POLR3A: variants seen among roughly 807,000 people sequenced by gnomAD.
POLR3A encodes DNA-directed RNA polymerase III subunit RPC1.
POLR3A carries 112 observed loss-of-function variants against 152.8 expected under a neutral mutation model. The observed-to-expected ratio is 0.73, with a 90% CI of 0.63 to 0.86. The LOEUF is 0.86. POLR3A is among the 40% of genes least tolerant of loss of function. POLR3A has a pLI of 0.00. For synonymous variants in POLR3A, 615 were observed against 652.1 expected (o/e 0.94, Z 0.87); for missense variants, 1,385 against 1,743.1 (o/e 0.79, Z 3.66).
intron 11 of POLR3A, chr10:78,013,013 C>T (rs914694002): frequency 1.3e-5 from 2 of 158,450 alleles, no homozygotes; most frequent in Non-Finnish European, 2.8e-5. Flanking sequence ...TGAGCCACAG[C>T]GCCAGCCTGT....
intron 23 of POLR3A, 50 bp downstream of exon 23, chr10:77,985,853 A>G: frequency 7.6e-7 from 1 of 1,320,638 alleles, no homozygotes; most frequent in Non-Finnish European, 1.1e-6. Context: ...CAGAAGGGAT[A>G]CGTGAGACCT....
chr10:78,010,590 C>T, intron 11 of POLR3A, 50 bp from the exon 12 acceptor site: 2 of 1,276,208 alleles, frequency 1.6e-6, no homozygotes, highest in Non-Finnish European at 2.3e-6. Flanking sequence ...ATGCATGATG[C>T]AGCCCAAAGC....
At chr10:77,996,346 C>A (rs2131939163) in intron 19 of POLR3A, among the ~76,000 whole-genome samples, 1 of 152,234 alleles carries the variant, frequency 6.6e-6, no homozygotes, top group Non-Finnish European at 1.5e-5. Flanking sequence ...ACACAAAAAA[C>A]CCTTCAAAAA....
Position 77,975,674 on chromosome 10 carries a change from TC to T in POLR3A, c.*1803del, listed in dbSNP as rs1847080475. ...CACAAGTTATAGCCACAACCTCTCT[TC>T]CATTTAAAGTGTGCGTCACCCGCAG... On this transcript the variant is annotated 3_prime_UTR_variant, in exon 31 of 31. Coordinates refer to ENST00000372371, the MANE Select transcript of POLR3A (RefSeq NM_007055.4). 1 of 152,242 alleles carries T rather than the reference TC, an allele frequency of 6.6e-6. No homozygotes were observed. The allele number at this position is 152,242 out of a possible 1,614,324, so 9.4% of individuals were successfully genotyped here.
rs12248310 is a variant in POLR3A, at chr10:78,025,700, T to C, written c.240A>G (p.Leu80=). 1 of 1,613,918 alleles carries C rather than the reference T, an allele frequency of 6.2e-7. No individual in the cohort carries two copies. The highest frequency in any genetic ancestry group is 1.3e-5 in the African/African-American group (1 of 74,976). ...CCAGGTCGATATACCCATAGTGGCC[T>C]AGACAGTCAGCCAAGTTTTTCCCAC... ...ETCGKNLADC[L]GHYGYIDLEL... The change falls in exon 3 of 31, where the codon CTA becomes CTG. Residue 80 remains leucine (L), a synonymous_variant. Coordinates refer to ENST00000372371, the MANE Select transcript of POLR3A (RefSeq NM_007055.4).
chr10:77,994,282 C>G (rs1847277191), intron 19 of POLR3A, among the ~76,000 whole-genome samples: 1 of 152,230 alleles, frequency 6.6e-6, no homozygotes, highest in East Asian at 1.9e-4. Context: ...TAGGCGTCTA[C>G]TGACTTGGAA....
chr10:78,014,205 G>A, intron 10 of POLR3A, among the ~76,000 whole-genome samples: 1 of 151,544 alleles, frequency 6.6e-6, no homozygotes, highest in East Asian at 1.9e-4. Context: ...TTATTAGATT[G>A]AACCAAAGCA....
At chr10:78,024,147 TGTG>T (rs905556630) in intron 5 of POLR3A, among the ~76,000 whole-genome samples, 1 of 152,104 alleles carries the variant, frequency 6.6e-6, no homozygotes, top group Non-Finnish European at 1.5e-5. Flanking sequence ...CTGGATCACC[TGTG>T]GTCAGGAGTT....
chr10:78,021,443 T>A, intron 8 of POLR3A, 103 bp downstream of exon 8: 1 of 1,124,698 alleles, frequency 8.9e-7, no homozygotes, highest in Non-Finnish European at 1.3e-6. Context: ...GTGGGTTGAG[T>A]GGGTTACTGG....
At chr10:77,990,905 T>C (rs1847241349) in intron 21 of POLR3A, 149 bp downstream of exon 21, 2 of 654,754 alleles carry the variant, frequency 3.1e-6, no homozygotes, top group Non-Finnish European at 5.6e-6. Context: ...TGAGCCACCA[T>C]GCCTGGCCCA....
At position 78,026,194 on chromosome 10, in the gene POLR3A, T is replaced by C; in HGVS notation, c.80A>G (p.Glu27Gly). The C allele has an allele frequency of 6.2e-7, 1 of 1,614,252 alleles. No homozygotes were observed. The highest frequency in any genetic ancestry group is 8.5e-7 in the Non-Finnish European group (1 of 1,180,026). The change falls in exon 2 of 31, where the codon GAG becomes GGG. Residue 27 changes from glutamate (E) to glycine (G), a missense_variant. Transcript: ENST00000372371. ...TTGGATGTGCGCCTGCTGGCGCATC[T>C]CCTCAGGTGACTTCATTCCAAAACA... ...HICFGMKSPE[E>G]MRQQAHIQVV...
intron 11 of POLR3A, among the ~76,000 whole-genome samples, chr10:78,012,345 C>T (rs1413571916): frequency 7.2e-6 from 1 of 138,462 alleles, no homozygotes; most frequent in Non-Finnish European, 1.6e-5. Flanking sequence ...GCCTGGGCAA[C>T]AAGAGTAAAA....
intron 23 of POLR3A, 116 bp downstream of exon 23, chr10:77,985,787 T>C (rs1847190965): frequency 6.3e-6 from 5 of 797,022 alleles, no homozygotes; most frequent in South Asian, 2.8e-5. Context: ...CAGAATCTGA[T>C]CAAATACTGG....
chr10:77,997,126 A>G (rs555401609), intron 19 of POLR3A, among the ~76,000 whole-genome samples: 1 of 152,298 alleles, frequency 6.6e-6, no homozygotes, highest in Non-Finnish European at 1.5e-5. Context: ...TCATGCTAAA[A>G]ACTCTCAATA....
intron 5 of POLR3A, among the ~76,000 whole-genome samples, chr10:78,022,770 G>A (rs183782372): frequency 6.6e-6 from 1 of 152,036 alleles, no homozygotes; most frequent in African/African-American, 2.4e-5. Context: ...ATAAAATCAC[G>A]GTATATCCCT....
chr10:78,010,449 CA>C, intron 12 of POLR3A, 21 bp downstream of exon 12: 1 of 1,570,362 alleles, frequency 6.4e-7, no homozygotes, highest in South Asian at 1.1e-5. Context: ...AATCTCCTTT[CA>C]AGTGAACTTC....
intron 10 of POLR3A, 77 bp downstream of exon 10, chr10:78,017,498 A>T: frequency 7.2e-7 from 1 of 1,395,702 alleles, no homozygotes; most frequent in Non-Finnish European, 1.0e-6. Flanking sequence ...TTTTAATTTT[A>T]GAAGTCCACT....
chr10:78,014,651 C>T (rs1847502000), intron 10 of POLR3A, among the ~76,000 whole-genome samples: 2 of 152,148 alleles, frequency 1.3e-5, no homozygotes, highest in African/African-American at 4.8e-5. Flanking sequence ...GATCCGCCCA[C>T]CTTGGCCTCC....
intron 15 of POLR3A, 102 bp downstream of exon 15, chr10:78,007,600 G>T: frequency 2.2e-6 from 2 of 925,370 alleles, no homozygotes; most frequent in Non-Finnish European, 3.6e-6. Flanking sequence ...GTATGTATAT[G>T]TGTGGTGGGG....
Sources: gnomAD v4.1 joint callset for allele counts (sites outside exome capture counted in the v4.1 genomes callset) on GRCh38, gnomAD v4.1.1 for gene constraint, MANE v1.5 for transcripts, NCBI Gene and HGNC (gene_info 2026-07-23, HGNC 2026-07-21) for gene names.